CRYL1: variants seen among roughly 807,000 people sequenced by gnomAD.
The protein encoded by CRYL1 is crystallin lambda 1.
A neutral mutation model predicts 36.6 loss-of-function variants in CRYL1; 29 were observed. The observed-to-expected ratio is 0.79, with a 90% CI of 0.59 to 1.08. CRYL1 has a LOEUF of 1.08. Ranked by LOEUF, CRYL1 falls within the 50% of genes least tolerant of loss-of-function variation. The pLI, the probability that CRYL1 is intolerant of heterozygous loss-of-function variation, is 0.00. For missense variants in CRYL1, 411 were observed against 407.9 expected, an observed-to-expected ratio of 1.01 and a Z score of -0.06; for synonymous variants, 152 against 151.5, an observed-to-expected ratio of 1.00 and a Z score of -0.02.
In CRYL1 at chr13:20,420,703, G is replaced by GTTTTT; in HGVS notation, c.634-7317_634-7316insAAAAA. Among the ~76,000 whole-genome samples the GTTTTT allele has an allele frequency of 5.2e-5, 2 of 38,770 alleles. 1 individual carries two copies. Among genetic ancestry groups the GTTTTT allele is most frequent in the South Asian group, 2.3e-3 (2 of 856 alleles). The allele number at this position is 38,770 out of a possible 152,430, so 25.4% of individuals were successfully genotyped here. On this transcript the variant is annotated intron_variant, in intron 5 of 7. Coordinates refer to ENST00000298248, the MANE Select transcript of CRYL1 (RefSeq NM_015974.3). Reference sequence around the variant, plus strand: ...TTGACTTTTCTTTAAAATAGAGGTTGTGTGTGTGTGTGTGTGTGTGTGTGT... The same window carrying GTTTTT: ...TTGACTTTTCTTTAAAATAGAGGTTGTTTTTTGTGTGTGTGTGTGTGTGTGTGTGT...
At chr13:20,460,766 C>CA (rs1565971979) in intron 3 of CRYL1, among the ~76,000 whole-genome samples, 1 of 152,152 alleles carries the variant, frequency 6.6e-6, no homozygotes, top group Non-Finnish European at 1.5e-5. Flanking sequence ...ACATCGTGAT[C>CA]TGCCCGTCTC....
intron 3 of CRYL1, among the ~76,000 whole-genome samples, chr13:20,486,339 C>T (rs898053002): frequency 6.6e-6 from 1 of 152,160 alleles, no homozygotes; most frequent in Non-Finnish European, 1.5e-5. Flanking sequence ...CGTAGCATGG[C>T]GACTTGGTTT....
intron 3 of CRYL1, among the ~76,000 whole-genome samples, chr13:20,480,754 T>A (rs1387479970): frequency 1.3e-5 from 2 of 152,218 alleles, no homozygotes; most frequent in African/African-American, 4.8e-5. Flanking sequence ...GCTGGCCATG[T>A]TTAGTCCTCA....
chr13:20,429,904 G>A (rs1330411821), intron 5 of CRYL1, among the ~76,000 whole-genome samples: 1 of 152,142 alleles, frequency 6.6e-6, no homozygotes, highest in Non-Finnish European at 1.5e-5. Flanking sequence ...ATGCTGGCAC[G>A]CTGGTTGTGA....
At chr13:20,424,060 C>T (rs191163880) in intron 5 of CRYL1, among the ~76,000 whole-genome samples, 194 of 152,228 alleles carry the variant, frequency 1.3e-3, no homozygotes, top group African/African-American at 4.0e-3. Context: ...TGAGCCACCA[C>T]GCCCGGCCGG....
intron 5 of CRYL1, chr13:20,426,843 C>T (rs1040478895): frequency 2.0e-6 from 2 of 985,386 alleles, no homozygotes; most frequent in African/African-American, 1.7e-5. Flanking sequence ...CCAGACCACA[C>T]CCACCCTGAC....
At chr13:20,517,511 C>A (rs1216265881) in intron 1 of CRYL1, among the ~76,000 whole-genome samples, 1 of 152,044 alleles carries the variant, frequency 6.6e-6, no homozygotes, top group African/African-American at 2.4e-5. Context: ...AGGAGAATCG[C>A]TTGAACTTGG....
chr13:20,426,607 C>T (rs1593436152), intron 5 of CRYL1: 1 of 754,786 alleles, frequency 1.3e-6, no homozygotes, highest in Non-Finnish European at 1.6e-6. Context: ...CATAGAGACA[C>T]ACAGAGACAC....
chr13:20,432,003 G>A (rs763088949), intron 5 of CRYL1, 99 bp downstream of exon 5: 9 of 1,592,060 alleles, frequency 5.7e-6, no homozygotes, highest in Non-Finnish European at 7.7e-6. Context: ...CTTCCAGGCT[G>A]CCCAAGGAAC....
At chr13:20,459,593 G>A (rs917856557) in intron 3 of CRYL1, among the ~76,000 whole-genome samples, 2 of 152,232 alleles carry the variant, frequency 1.3e-5, no homozygotes, top group Non-Finnish European at 1.5e-5. Flanking sequence ...TTGAATTAAC[G>A]CAGGAACAGA....
rs2033288559 is a variant in CRYL1, at chr13:20,481,976, G to A, written c.276+7394C>T. 6.6e-6 allele frequency among the ~76,000 whole-genome samples: 1 copy of A among 152,034 alleles called. No individual in the cohort carries two copies. The highest frequency in any genetic ancestry group is 1.5e-5 in the Non-Finnish European group (1 of 68,012). On this transcript the variant is annotated intron_variant, in intron 3 of 7. Transcript: ENST00000298248. The surrounding 1 kb of genome is among the most constrained non-coding windows in gnomAD (Gnocchi z 4.1). ...AACTCCAGTTTCCTCGCACATTCCC[G>A]AATATTCTCAGGGCTGGCCATCCCA...
intron 3 of CRYL1, among the ~76,000 whole-genome samples, chr13:20,459,235 C>CCA: frequency 1.3e-5 from 1 of 78,440 alleles, no homozygotes. Flanking sequence ...GACTCCATCT[C>CCA]AAAAAAAAAA....
intron 3 of CRYL1, among the ~76,000 whole-genome samples, chr13:20,453,080 C>A (rs1019266018): frequency 1.3e-5 from 2 of 152,160 alleles, no homozygotes; most frequent in Admixed American, 6.5e-5. Context: ...AAGATTATAG[C>A]AGAGCTGAAT....
At chr13:20,502,219 C>T (rs1003241843) in intron 2 of CRYL1, among the ~76,000 whole-genome samples, 8 of 152,174 alleles carry the variant, frequency 5.3e-5, no homozygotes, top group African/African-American at 1.2e-4. Context: ...TGTAGTGAGG[C>T]ATGTGAACTT....
At position 20,481,402 on chromosome 13, in the gene CRYL1, G is replaced by T. The variant is rs998350798; in HGVS notation, c.276+7968C>A. Reference sequence around the variant, plus strand: ...GAGAAGGCAAAACTATAGGGACAAAGAACAGATCAGTGGTGGGCAAGGCCT... The same window carrying T: ...GAGAAGGCAAAACTATAGGGACAAATAACAGATCAGTGGTGGGCAAGGCCT... On this transcript the variant is annotated intron_variant, in intron 3 of 7. Transcript: ENST00000298248. This position sits in a 1 kb window ranked among gnomAD's most constrained non-coding sequence, Gnocchi z 4.1. Among the ~76,000 whole-genome samples the T allele has an allele frequency of 6.6e-6, 1 of 152,150 alleles. No homozygotes were observed. Among genetic ancestry groups the T allele is most frequent in the Non-Finnish European group, 1.5e-5 (1 of 68,016 alleles).
chr13:20,435,739 A>T lies in CRYL1; in HGVS notation c.439-3443T>A, dbSNP rs1454210021. ...CAGGCCGGCGGAGCACAAGGGACGC[A>T]TTCTTCCCCGCCGCCCGGGCCCCAT... On this transcript the variant is annotated intron_variant, in intron 4 of 7. Transcript: ENST00000298248. The surrounding 1 kb of genome is among the most constrained non-coding windows in gnomAD (Gnocchi z 4.0). Among the ~76,000 whole-genome samples the T allele has an allele frequency of 6.6e-6, 1 of 152,126 alleles. No homozygotes were observed. Among genetic ancestry groups the T allele is most frequent in the Non-Finnish European group, 1.5e-5 (1 of 68,008 alleles).
At chr13:20,514,362 C>T (rs2033965466) in intron 1 of CRYL1, among the ~76,000 whole-genome samples, 1 of 152,166 alleles carries the variant, frequency 6.6e-6, no homozygotes, top group Admixed American at 6.5e-5. Flanking sequence ...GTCTTCCTCC[C>T]CAAAACCCAT....
intron 6 of CRYL1, among the ~76,000 whole-genome samples, chr13:20,412,820 C>G (rs1386108182): frequency 6.6e-5 from 10 of 152,184 alleles, no homozygotes; most frequent in Admixed American, 6.5e-4. Context: ...GGAAGCCCTC[C>G]CTCACTATAG....
At chr13:20,488,017 G>A (rs1255381509) in intron 3 of CRYL1, among the ~76,000 whole-genome samples, 1 of 151,978 alleles carries the variant, frequency 6.6e-6, no homozygotes, top group African/African-American at 2.4e-5. Context: ...CAGGAGAATC[G>A]CTTGAATCCA....
Sources: gnomAD v4.1 joint callset for allele counts (sites outside exome capture counted in the v4.1 genomes callset) on GRCh38, gnomAD v4.1.1 for gene constraint, Gnocchi (gnomAD v3.1) non-coding constraint, MANE v1.5 for transcripts, NCBI Gene and HGNC (gene_info 2026-07-23, HGNC 2026-07-21) for gene names.